The following CADM2 variants were observed in gnomAD, a reference collection of about 807,000 sequenced individuals.
CADM2 encodes immunoglobulin superfamily member 4D.
In CADM2, 12 loss-of-function variants were observed where a neutral mutation model predicts 49.8. The ratio of observed to expected loss-of-function variants is 0.24; its 90% CI spans 0.15 to 0.39. The LOEUF is 0.39. CADM2 is among the 10% of genes least tolerant of loss of function. The pLI is 1.00. For synonymous variants in CADM2, 214 were observed against 175.4 expected (o/e 1.22, Z -1.74); for missense variants, 378 against 492.3 (o/e 0.77, Z 2.20).
intron 1 of CADM2, among the ~76,000 whole-genome samples, chr3:85,315,173 C>T (rs2044434827): frequency 1.3e-5 from 2 of 152,116 alleles, no homozygotes; most frequent in South Asian, 4.1e-4. Context: ...AGTGAAGTGG[C>T]TATTCACAAG....
intron 8 of CADM2, among the ~76,000 whole-genome samples, chr3:86,000,980 G>A (rs1289732335): frequency 6.6e-6 from 1 of 152,102 alleles, no homozygotes; most frequent in Non-Finnish European, 1.5e-5. Context: ...AAAGTTTAGG[G>A]AGCTACTGAA....
chr3:85,483,972 A>G (rs1383670268), intron 1 of CADM2, among the ~76,000 whole-genome samples: 1 of 151,586 alleles, frequency 6.6e-6, no homozygotes, highest in African/African-American at 2.4e-5. Flanking sequence ...AGGTCCTACT[A>G]TTTTTGCTTT....
chr3:85,838,270 T>A (rs78538340), intron 3 of CADM2, among the ~76,000 whole-genome samples: 2,430 of 151,802 alleles, frequency 0.016, 28 homozygotes, highest in South Asian at 0.025. Flanking sequence ...ACCTCATAGG[T>A]CAAGACCACC....
At chr3:85,967,848 A>G (rs575985846) in intron 8 of CADM2, among the ~76,000 whole-genome samples, 5 of 151,660 alleles carry the variant, frequency 3.3e-5, no homozygotes, top group Admixed American at 1.3e-4. Context: ...CTGGGGAAGG[A>G]AAAAAAGAAG....
intron 1 of CADM2, among the ~76,000 whole-genome samples, chr3:85,303,356 G>C (rs888485623): frequency 1.3e-5 from 2 of 151,988 alleles, no homozygotes; most frequent in Admixed American, 1.3e-4. Context: ...TGTTAATGAA[G>C]CTTCTGAATC....
intron 1 of CADM2, among the ~76,000 whole-genome samples, chr3:85,552,425 G>A (rs931478083): frequency 7.4e-6 from 1 of 135,978 alleles, no homozygotes; most frequent in African/African-American, 3.0e-5. Context: ...TTGTTGCCCA[G>A]GCTGGAGTGC....
intron 3 of CADM2, among the ~76,000 whole-genome samples, chr3:85,881,072 T>G (rs920533024): frequency 1.4e-4 from 22 of 152,152 alleles, no homozygotes; most frequent in African/African-American, 5.1e-4. Flanking sequence ...CTCTGTTCTT[T>G]GCTATCTTTT....
intron 8 of CADM2, among the ~76,000 whole-genome samples, chr3:86,048,269 T>C (rs1736909536): frequency 6.6e-6 from 1 of 152,044 alleles, no homozygotes; most frequent in South Asian, 2.1e-4. Context: ...TGTATATATA[T>C]ATGTACAGCC....
chr3:85,723,464 C>G (rs2067579907), intron 1 of CADM2, among the ~76,000 whole-genome samples: 1 of 152,078 alleles, frequency 6.6e-6, no homozygotes, highest in South Asian at 2.1e-4. Context: ...ACATTCATGA[C>G]AGTATTCCTG....
chr3:85,290,746 A>T (rs889088771), intron 1 of CADM2, among the ~76,000 whole-genome samples: 1 of 152,158 alleles, frequency 6.6e-6, no homozygotes, highest in African/African-American at 2.4e-5. Context: ...TAGAAGGAAA[A>T]CTAACAAACA....
chr3:85,798,263 T>C (rs564650369), intron 2 of CADM2, among the ~76,000 whole-genome samples: 1 of 152,314 alleles, frequency 6.6e-6, no homozygotes, highest in South Asian at 2.1e-4. Flanking sequence ...GTAGAAGTTC[T>C]TTAGTTTAAG....
chr3:85,384,604 G>A (rs2034108064), intron 1 of CADM2, among the ~76,000 whole-genome samples: 2 of 151,694 alleles, frequency 1.3e-5, no homozygotes. Context: ...GTCAGCCACC[G>A]CGCCCGCCCT....
At chr3:85,880,047 G>C (rs1712509065) in intron 3 of CADM2, among the ~76,000 whole-genome samples, 1 of 152,032 alleles carries the variant, frequency 6.6e-6, no homozygotes, top group African/African-American at 2.4e-5. Flanking sequence ...ACCAAACGCT[G>C]TTCTCTACCT....
At chr3:85,207,050 A>ATGTGTG (rs3085116) in intron 1 of CADM2, among the ~76,000 whole-genome samples, 5,809 of 144,922 alleles carry the variant, frequency 0.04, 150 homozygotes, top group East Asian at 0.13. Flanking sequence ...GAAGAAATAA[A>ATGTGTG]TGTGTGTGTG....
At chr3:85,242,396 T>C (rs1215092464) in intron 1 of CADM2, among the ~76,000 whole-genome samples, 2 of 151,628 alleles carry the variant, frequency 1.3e-5, no homozygotes, top group Non-Finnish European at 3.0e-5. Context: ...AATTATGGCC[T>C]CCATTATTTA....
chr3:86,022,195 A>G (rs759154248), intron 8 of CADM2, among the ~76,000 whole-genome samples: 1 of 152,112 alleles, frequency 6.6e-6, no homozygotes, highest in Non-Finnish European at 1.5e-5. Flanking sequence ...TAGCTTTTTA[A>G]TTATAAATAC....
At chr3:85,809,712 C>CTTCCTTCG (rs1329845875) in intron 3 of CADM2, among the ~76,000 whole-genome samples, 14 of 106,338 alleles carry the variant, frequency 1.3e-4, no homozygotes, top group African/African-American at 5.0e-4. Flanking sequence ...TCCTTCCTTC[C>CTTCCTTCG]TTCCTTCGTT....
In CADM2 at chr3:85,146,387, C is replaced by CT. The variant is rs538695998; in HGVS notation, c.61+186728dup. On this transcript the variant is annotated intron_variant, in intron 1 of 9. Transcript: ENST00000383699. ...CCTTCTTAGATTTTTAATGAGGTCT[C>CT]TTTTTTTTTATGCAGTGGCAAATGA... 6.7e-3 allele frequency among the ~76,000 whole-genome samples: 1,015 copies of CT among 150,968 alleles called. 13 individuals are homozygous for CT. The highest frequency in any genetic ancestry group is 0.011 in the Non-Finnish European group (748 of 67,648).
chr3:85,392,933 A>G (rs1433641269), intron 1 of CADM2, among the ~76,000 whole-genome samples: 1 of 152,064 alleles, frequency 6.6e-6, no homozygotes. Flanking sequence ...TGTATACTAA[A>G]ACACATCTGA....
Sources: allele counts gnomAD v4.1 joint callset (sites outside exome capture counted in the v4.1 genomes callset), GRCh38; gene constraint gnomAD v4.1.1; transcripts MANE v1.5; gene names NCBI Gene and HGNC (gene_info 2026-07-23, HGNC 2026-07-21).